INPP5F: variants seen among roughly 807,000 people sequenced by gnomAD.
INPP5F encodes the protein phosphatidylinositide 4-phosphatase SAC2.
In INPP5F, 97 loss-of-function variants were observed where a neutral mutation model predicts 137.2. That is an observed-to-expected ratio of 0.71 (90% CI 0.60 to 0.84). INPP5F has a LOEUF of 0.84. Ranked by LOEUF, INPP5F falls within the 40% of genes least tolerant of loss-of-function variation. The pLI is 0.00. For missense variants in INPP5F, 1,271 were observed against 1,371.9 expected, an observed-to-expected ratio of 0.93 and a Z score of 1.16; for synonymous variants, 504 against 476.9, an observed-to-expected ratio of 1.06 and a Z score of -0.74.
In INPP5F at chr10:119,827,972, G is replaced by C; in HGVS notation, c.*192G>C. The C allele has an allele frequency of 1.8e-6, 1 of 547,088 alleles. No individual in the cohort carries two copies. Among genetic ancestry groups the C allele is most frequent in the South Asian group, 2.1e-5 (1 of 47,244 alleles). 33.9% of individuals were successfully genotyped at this position (547,088 alleles called of 1,614,324 possible). A position where few individuals can be genotyped will look rare whatever the true frequency, so the allele number is the denominator to read the frequency against. ...AGGACTACAGAAGTGCATCATTCTA[G>C]AATGTGTAGACCTGAGTAGCTTATA... On this transcript the variant is annotated 3_prime_UTR_variant, in exon 20 of 20. Coordinates refer to ENST00000650623, the MANE Select transcript of INPP5F (RefSeq NM_014937.4).
chr10:119,727,203 A>T (rs952970471), intron 1 of INPP5F, among the ~76,000 whole-genome samples: 3 of 152,224 alleles, frequency 2.0e-5, no homozygotes, highest in African/African-American at 7.2e-5. Context: ...CATATCACTC[A>T]GAGATTCTTC....
rs775809247 is a variant in INPP5F, at chr10:119,810,182, A to G, written c.1652A>G (p.Asn551Ser). The change falls in exon 14 of 20, where the codon AAC becomes AGC. Residue 551 changes from asparagine to serine, a missense_variant. By Grantham distance (46) the Asn-to-Ser change is conservative. Transcript: ENST00000650623. ...GVNSANRYYL[N>S]RFKDAYRQAV... ...AACTCAGCAAACAGATATTACCTCA[A>G]CCGATTTAAGGATGCTTATAGGCAA... is the stretch of plus-strand genomic sequence containing the variant. The G allele has an allele frequency of 2.7e-5, 44 of 1,611,540 alleles. No individual in the cohort carries two copies. Among genetic ancestry groups the G allele is most frequent in the South Asian group, 5.5e-5 (5 of 90,978 alleles).
At chr10:119,798,909 G>T (rs1248873342) in intron 9 of INPP5F, among the ~76,000 whole-genome samples, 1 of 151,568 alleles carries the variant, frequency 6.6e-6, no homozygotes, top group Non-Finnish European at 1.5e-5. Context: ...GGGACTGCAG[G>T]CATGTGCCAC....
chr10:119,739,022 GA>G (rs11418849), intron 1 of INPP5F, among the ~76,000 whole-genome samples: 7 of 146,370 alleles, frequency 4.8e-5, no homozygotes, highest in Middle Eastern at 3.5e-3. Flanking sequence ...TCTCTACTAA[GA>G]AAAAAAAAAA....
chr10:119,795,048 C>T (rs1324893497), intron 6 of INPP5F, among the ~76,000 whole-genome samples: 20 of 136,060 alleles, frequency 1.5e-4, no homozygotes, highest in South Asian at 4.9e-4. Context: ...ACCTCCCTCC[C>T]GGATGGGGCG....
At chr10:119,784,391 C>T (rs571884071) in intron 3 of INPP5F, among the ~76,000 whole-genome samples, 1 of 152,154 alleles carries the variant, frequency 6.6e-6, no homozygotes, top group Non-Finnish European at 1.5e-5. Flanking sequence ...ATATTTCCCT[C>T]TAGTCTTATT....
chr10:119,728,894 T>A (rs934805601), intron 1 of INPP5F, among the ~76,000 whole-genome samples: 5 of 152,164 alleles, frequency 3.3e-5, no homozygotes, highest in African/African-American at 1.2e-4. Context: ...TTATGCATCA[T>A]CATAATAAAA....
chr10:119,726,269 C>G lies in INPP5F; in HGVS notation c.7C>G (p.Leu3Val). 3 of 1,480,728 alleles carry G rather than the reference C, an allele frequency of 2.0e-6. No individual in the cohort carries two copies. The highest frequency in any genetic ancestry group is 1.3e-5 in the South Asian group (1 of 77,804). The allele number at this position is 1,480,728 out of a possible 1,614,324, so 91.7% of individuals were successfully genotyped here. ME[L>V]FQAKDHYILQ... ...CTGGGCGCGCGGGGCCAGCATGGAG[C>G]TCTTCCAAGCCAAGGACCACTACAT... The change falls in exon 1 of 20, where the codon CTC becomes GTC. Residue 3 changes from leucine (L) to valine (V), a missense_variant. Coordinates refer to ENST00000650623, the MANE Select transcript of INPP5F (RefSeq NM_014937.4).
chr10:119,745,992 G>A (rs1477468251), intron 1 of INPP5F, among the ~76,000 whole-genome samples: 2 of 152,032 alleles, frequency 1.3e-5, no homozygotes, highest in Non-Finnish European at 2.9e-5. Flanking sequence ...GTGAGCCACC[G>A]TGCCCGACCA....
intron 10 of INPP5F, among the ~76,000 whole-genome samples, chr10:119,804,781 C>T (rs563073823): frequency 4.6e-5 from 7 of 151,252 alleles, no homozygotes; most frequent in Non-Finnish European, 7.4e-5. Flanking sequence ...AAGTGGAGTG[C>T]GGTGGTGTGA....
At chr10:119,737,218 T>A (rs1374422804) in intron 1 of INPP5F, among the ~76,000 whole-genome samples, 1 of 152,246 alleles carries the variant, frequency 6.6e-6, no homozygotes, top group Admixed American at 6.5e-5. Context: ...TCTGCTAGTT[T>A]AGACCAGCTT....
At position 119,741,476 on chromosome 10, in the gene INPP5F, A is replaced by C. The variant is rs1171305459; in HGVS notation, c.98-9600A>C. On this transcript the variant is annotated intron_variant, in intron 1 of 19. Coordinates refer to ENST00000650623, the MANE Select transcript of INPP5F (RefSeq NM_014937.4). ...TTCAGTGGACATCTGAGTGTCTGCT[A>C]TGTGTTAAGCAGCCTGCTAGAGGCC... Among the ~76,000 whole-genome samples, 6 of 152,292 alleles carry C rather than the reference A, an allele frequency of 3.9e-5. 1 individual carries two copies. The South Asian group carries it at 1.0e-3, about 26-fold the overall frequency.
At chr10:119,796,064 C>T (rs868804362) in intron 6 of INPP5F, among the ~76,000 whole-genome samples, 25 of 17,922 alleles carry the variant, frequency 1.4e-3, no homozygotes, top group African/African-American at 4.1e-3. Flanking sequence ...AGAGGGAGAC[C>T]GTGGGGAGAG....
At chr10:119,771,878 ATATATTTTTTTTTTTTTTT>A (rs1398750497) in intron 2 of INPP5F, among the ~76,000 whole-genome samples, 1 of 20,420 alleles carries the variant, frequency 4.9e-5, no homozygotes, top group East Asian at 1.5e-3. Context: ...ATATATATAT[ATATATTTTTTTTTTTTTTT>A]TTTTTTTTTT....
intron 18 of INPP5F, 68 bp from the exon 19 acceptor site, chr10:119,823,747 G>T: frequency 8.3e-7 from 1 of 1,198,636 alleles, no homozygotes; most frequent in Non-Finnish European, 1.2e-6. Flanking sequence ...GCGCTAAATG[G>T]GTTAGAACTG....
intron 2 of INPP5F, among the ~76,000 whole-genome samples, chr10:119,754,549 G>A (rs974274335): frequency 3.3e-5 from 5 of 152,272 alleles, no homozygotes; most frequent in South Asian, 2.1e-4. Context: ...AGGAAAAAAG[G>A]GCAGGGAAAT....
chr10:119,794,508 A>G (rs939455129), intron 6 of INPP5F, among the ~76,000 whole-genome samples: 3 of 151,788 alleles, frequency 2.0e-5, no homozygotes, highest in Admixed American at 1.3e-4. Context: ...CATTGTCATC[A>G]TGGCCCGTTC....
chr10:119,804,037 A>T (rs1850681777), intron 9 of INPP5F, 136 bp from the exon 10 acceptor site: 1 of 571,132 alleles, frequency 1.8e-6, no homozygotes, highest in Admixed American at 3.7e-5. Context: ...ATTTCTAAGT[A>T]TGGCTATAAA....
rs758307660 is a variant in INPP5F at position 119,820,925 on chromosome 10, G to C, written c.1958+8G>C. The C allele has an allele frequency of 3.2e-6, 5 of 1,571,420 alleles. No individual in the cohort carries two copies. In the African/African-American group the frequency reaches 6.8e-5, roughly 21 times the overall value. On this transcript the variant is annotated splice_region_variant and intron_variant, in intron 16 of 19. Coordinates refer to ENST00000650623, the MANE Select transcript of INPP5F (RefSeq NM_014937.4). ...TGCCTACTACGTGGCCTAGTAAGTT[G>C]CTTATTGATTTAAAGGTTTTGATTT...
Sources: allele counts gnomAD v4.1 joint callset (sites outside exome capture counted in the v4.1 genomes callset), GRCh38; gene constraint gnomAD v4.1.1; transcripts MANE v1.5; gene names NCBI Gene and HGNC (gene_info 2026-07-23, HGNC 2026-07-21).